The following DIAPH2 variants were observed in gnomAD, a reference collection of about 807,000 sequenced individuals.
DIAPH2 encodes protein diaphanous homolog 2.
DIAPH2 carries 35 observed loss-of-function variants against 92.7 expected under a neutral mutation model. The observed-to-expected ratio is 0.38, with a 90% CI of 0.29 to 0.50. DIAPH2 has a LOEUF of 0.50. Ranked by LOEUF, DIAPH2 falls within the 20% of genes least tolerant of loss-of-function variation. The pLI, the probability that DIAPH2 is intolerant of heterozygous loss-of-function variation, is 0.94. For missense variants in DIAPH2, 701 were observed against 819.5 expected (o/e 0.86, Z 1.77); for synonymous variants, 301 against 280.4 (o/e 1.07, Z -0.73).
intron 14 of DIAPH2, among the ~76,000 whole-genome samples, 169 bp downstream of exon 14, chrX:96,945,760 A>C (rs2065734850): frequency 8.9e-6 from 1 of 111,769 alleles, no homozygotes; most frequent in Non-Finnish European, 1.9e-5. Flanking sequence ...TTATAAGGTA[A>C]GGTTGCTATT....
chrX:96,857,749 T>C (rs748676147), intron 4 of DIAPH2, among the ~76,000 whole-genome samples: 6 of 112,612 alleles, frequency 5.3e-5, no homozygotes, highest in Admixed American at 1.9e-4. Flanking sequence ...TTCAGCGATA[T>C]AGCTGCATGA....
chrX:96,693,326 G>A (rs1331416572), intron 1 of DIAPH2, among the ~76,000 whole-genome samples: 1 of 112,204 alleles, frequency 8.9e-6, no homozygotes, highest in Admixed American at 9.5e-5. Context: ...AATTGTTGGA[G>A]CCAGAGAGCT....
intron 19 of DIAPH2, among the ~76,000 whole-genome samples, chrX:97,085,476 G>A (rs759987962): frequency 9.0e-6 from 1 of 111,396 alleles, no homozygotes; most frequent in South Asian, 3.9e-4. Context: ...CCAGGCTGGA[G>A]TGCAGCAGCA....
intron 26 of DIAPH2, among the ~76,000 whole-genome samples, chrX:97,492,957 C>T (rs1384917756): frequency 8.9e-6 from 1 of 112,569 alleles, no homozygotes; most frequent in Non-Finnish European, 1.9e-5. Context: ...TGTTTTCCTC[C>T]ATGAGTTCTT....
intron 22 of DIAPH2, among the ~76,000 whole-genome samples, chrX:97,210,739 G>A (rs1296578611): frequency 2.7e-5 from 3 of 111,848 alleles, no homozygotes; most frequent in African/African-American, 9.7e-5. Context: ...AATGATTGAT[G>A]ACATTCTCTT....
chrX:96,739,396 T>C (rs747611778), intron 3 of DIAPH2, among the ~76,000 whole-genome samples: 1 of 111,828 alleles, frequency 8.9e-6, no homozygotes, highest in Admixed American at 9.5e-5. Flanking sequence ...AGAGAAGAAC[T>C]AGAGATCTTG....
rs1187484819 is a variant in DIAPH2 at position 96,962,490 on chromosome X, CACACACATAT to C, written c.1936-2601_1936-2592del. On this transcript the variant is annotated intron_variant, in intron 16 of 26. Coordinates refer to ENST00000324765, the MANE Select transcript of DIAPH2 (RefSeq NM_006729.5). ...ATACATATATATATACACACACACA[CACACACATAT>C]ATATATATATATATATATATATACC... is the stretch of plus-strand genomic sequence containing the variant. Among the ~76,000 whole-genome samples, 201 of 48,888 alleles carry C rather than the reference CACACACATAT, an allele frequency of 4.1e-3. 11 individuals are homozygous for C. Among genetic ancestry groups the C allele is most frequent in the Middle Eastern group, 0.011 (1 of 92 alleles). 42.5% of individuals were successfully genotyped at this position (48,888 alleles called of 115,157 possible). A position where few individuals can be genotyped will look rare whatever the true frequency, so the allele number is the denominator to read the frequency against.
chrX:97,144,632 A>G (rs2147413765), intron 22 of DIAPH2, among the ~76,000 whole-genome samples: 1 of 110,559 alleles, frequency 9.0e-6, no homozygotes, highest in South Asian at 3.8e-4. Context: ...GTATATATAT[A>G]TATATATTTT....
intron 26 of DIAPH2, among the ~76,000 whole-genome samples, chrX:97,439,446 G>A (rs902150624): frequency 2.7e-5 from 3 of 110,355 alleles, no homozygotes; most frequent in East Asian, 2.9e-4. Context: ...GGTGGCACGC[G>A]CCTGTAATCC....
At chrX:97,198,413 C>T (rs931514987) in intron 22 of DIAPH2, among the ~76,000 whole-genome samples, 1 of 109,980 alleles carries the variant, frequency 9.1e-6, no homozygotes, top group Admixed American at 9.8e-5. Context: ...CATTGTTACA[C>T]GTGGTCACAG....
chrX:96,964,231 C>T (rs780601318), intron 16 of DIAPH2, among the ~76,000 whole-genome samples: 4 of 111,203 alleles, frequency 3.6e-5, no homozygotes, highest in South Asian at 3.8e-4. Flanking sequence ...CAATCTTATG[C>T]ATATATTTAT....
intron 22 of DIAPH2, among the ~76,000 whole-genome samples, chrX:97,239,906 C>T (rs1381903391): frequency 2.7e-5 from 3 of 109,325 alleles, no homozygotes; most frequent in Admixed American, 1.0e-4. Flanking sequence ...CGCACATGCA[C>T]CCCCTACCTG....
intron 25 of DIAPH2, among the ~76,000 whole-genome samples, chrX:97,413,145 G>A (rs2069897831): frequency 1.8e-5 from 2 of 111,749 alleles, no homozygotes; most frequent in Admixed American, 9.5e-5. Context: ...ACATCGATGT[G>A]AAAATCCTCA....
chrX:97,556,209 C>T (rs756698967), intron 26 of DIAPH2, among the ~76,000 whole-genome samples: 9 of 111,725 alleles, frequency 8.1e-5, no homozygotes, highest in Non-Finnish European at 1.7e-4. Context: ...TCAAGGGACT[C>T]TCTCTTATGC....
chrX:97,173,171 T>C (rs2067466627), intron 22 of DIAPH2, among the ~76,000 whole-genome samples: 1 of 112,137 alleles, frequency 8.9e-6, no homozygotes, highest in African/African-American at 3.2e-5. Flanking sequence ...GAGGCCAAGG[T>C]GGGCGGATCA....
At chrX:97,082,480 A>T (rs953986940) in intron 19 of DIAPH2, among the ~76,000 whole-genome samples, 1 of 108,956 alleles carries the variant, frequency 9.2e-6, no homozygotes, top group Admixed American at 9.8e-5. Context: ...AAAAATACAA[A>T]AATTAGTCAG....
chrX:97,302,512 C>A (rs1459207924), intron 23 of DIAPH2, among the ~76,000 whole-genome samples: 2 of 108,671 alleles, frequency 1.8e-5, no homozygotes, highest in Non-Finnish European at 3.8e-5. Flanking sequence ...GCCTGGGCAG[C>A]AAGAGCAAAA....
intron 15 of DIAPH2, among the ~76,000 whole-genome samples, chrX:96,954,978 A>C (rs2065800998): frequency 1.8e-5 from 2 of 112,680 alleles, no homozygotes; most frequent in South Asian, 7.3e-4. Flanking sequence ...CAAGCCATAC[A>C]CTGTACTTCT....
rs754337079 is a variant in DIAPH2 at position 97,499,156 on chromosome X, T to C, written c.3241+69411T>C. On this transcript the variant is annotated intron_variant, in intron 26 of 26. Coordinates refer to ENST00000324765, the MANE Select transcript of DIAPH2 (RefSeq NM_006729.5). ...GACATGAATATATTGGGAATTTCTG[T>C]TTCTCTTAATTCCTCATTTGTGTTC... Among the ~76,000 whole-genome samples the C allele has an allele frequency of 6.2e-5, 7 of 112,381 alleles. No individual in the cohort carries two copies. The East Asian group carries it at 2.0e-3, about 31-fold the overall frequency.
Sources: gnomAD v4.1 joint callset for allele counts (sites outside exome capture counted in the v4.1 genomes callset) on GRCh38, gnomAD v4.1.1 for gene constraint, MANE v1.5 for transcripts, NCBI Gene and HGNC (gene_info 2026-07-23, HGNC 2026-07-21) for gene names.